The following SYCP1 variants were observed in gnomAD, a reference collection of about 807,000 sequenced individuals.
SYCP1 encodes the protein synaptonemal complex protein 1, also known as cancer/testis antigen 8.
Under a neutral mutation model 153.1 loss-of-function variants are expected in SYCP1, and 64 were observed. The ratio of observed to expected loss-of-function variants is 0.42; its 90% CI spans 0.34 to 0.51. SYCP1 has a LOEUF of 0.51. SYCP1 is among the 20% of genes least tolerant of loss of function. SYCP1 has a pLI of 0.06. For synonymous variants in SYCP1, 384 were observed against 341.8 expected (o/e 1.12, Z -1.36); for missense variants, 997 against 1,049.0 (o/e 0.95, Z 0.68).
intron 8 of SYCP1, among the ~76,000 whole-genome samples, chr1:114,867,355 C>A (rs1664825841): frequency 6.6e-6 from 1 of 152,062 alleles, no homozygotes; most frequent in African/African-American, 2.4e-5. Context: ...GGATTGACAT[C>A]TTGACAATAT....
intron 16 of SYCP1, among the ~76,000 whole-genome samples, chr1:114,906,820 TAG>T (rs1460828520): frequency 6.6e-6 from 1 of 152,190 alleles, no homozygotes; most frequent in Non-Finnish European, 1.5e-5. Context: ...TATTGTTAGG[TAG>T]AGTGTTCTGT....
intron 6 of SYCP1, 72 bp downstream of exon 6, chr1:114,858,783 A>G (rs1241076229): frequency 7.7e-7 from 1 of 1,301,450 alleles, no homozygotes; most frequent in African/African-American, 1.5e-5. Flanking sequence ...GTAGAGTATT[A>G]GTTGGGATAA....
At position 114,858,720 on chromosome 1, in the gene SYCP1, C is replaced by A. The variant is rs749262249; in HGVS notation, c.456+9C>A. ...CCATTCAGGAACTGCAAGTATGACA[C>A]AATTTTGCATTGTAAACATAGTATA... On this transcript the variant is annotated intron_variant, in intron 6 of 31. Coordinates refer to ENST00000369522, the MANE Select transcript of SYCP1 (RefSeq NM_003176.4). The A allele has an allele frequency of 6.2e-7, 1 of 1,602,654 alleles. No homozygotes were observed. Among genetic ancestry groups the A allele is most frequent in the South Asian group, 1.1e-5 (1 of 89,838 alleles).
intron 8 of SYCP1, 50 bp from the exon 9 acceptor site, chr1:114,874,456 T>G: frequency 8.9e-7 from 1 of 1,121,492 alleles, no homozygotes; most frequent in Non-Finnish European, 1.3e-6. Context: ...TATTGTCTTG[T>G]TGACATCTTA....
At chr1:114,892,699 G>T (rs1399684119) in intron 15 of SYCP1, among the ~76,000 whole-genome samples, 1 of 152,120 alleles carries the variant, frequency 6.6e-6, no homozygotes, top group African/African-American at 2.4e-5. Context: ...CCTGGCGCAC[G>T]CACGGGAAGA....
At chr1:114,888,800 A>G (rs921900481) in intron 15 of SYCP1, among the ~76,000 whole-genome samples, 1 of 151,820 alleles carries the variant, frequency 6.6e-6, no homozygotes, top group Admixed American at 6.6e-5. Flanking sequence ...GGTTTGCTGC[A>G]CCCCTCAACT....
chr1:114,972,697 A>G (rs1411543335), intron 27 of SYCP1, among the ~76,000 whole-genome samples: 1 of 151,910 alleles, frequency 6.6e-6, no homozygotes, highest in Non-Finnish European at 1.5e-5. Context: ...ATTCCATGTG[A>G]TTTTATAGTT....
Position 114,886,293 on chromosome 1 carries a change from A to C in SYCP1, c.1174A>C (p.Arg392=). The C allele has an allele frequency of 6.3e-7, 1 of 1,575,100 alleles. No homozygotes were observed. The highest frequency in any genetic ancestry group is 8.6e-7 in the Non-Finnish European group (1 of 1,165,352). Residue 392 remains arginine (R), a synonymous_variant, in exon 14 of 32, where the codon AGA becomes CGA. Transcript: ENST00000369522. ...TTVCSLEELL[R]TEQQRLEKNE... The stretch of plus-strand genomic sequence containing the variant: ...TGTCTGCAGCTTGGAAGAATTATTG[A>C]GAACAGAACAGCAAAGGTAAAATAT...
At chr1:114,901,742 TTCTC>T in intron 16 of SYCP1, among the ~76,000 whole-genome samples, 1 of 152,294 alleles carries the variant, frequency 6.6e-6, no homozygotes, top group Admixed American at 6.5e-5. Flanking sequence ...CACAAATCCT[TTCTC>T]ACAACTAAAA....
At chr1:114,857,160 G>GAAAAAAGAAAAAAAAAAAAAAAAAGAA in intron 3 of SYCP1, 72 bp from the exon 4 acceptor site, 2 of 592,980 alleles carry the variant, frequency 3.4e-6, no homozygotes, top group Non-Finnish European at 4.9e-6. Context: ...AAAAAAAAGA[G>GAAAAAAGAAAAAAAAAAAAAAAAAGAA]AAAAAAGAAA....
At chr1:114,909,147 A>G (rs1668014926) in intron 16 of SYCP1, among the ~76,000 whole-genome samples, 1 of 152,166 alleles carries the variant, frequency 6.6e-6, no homozygotes, top group Admixed American at 6.5e-5. Context: ...ATTCATACAT[A>G]GAATCAGGAG....
rs182750470 is a variant in SYCP1, at chr1:114,945,944, C to A, written c.2155-345C>A. Among the ~76,000 whole-genome samples the A allele has an allele frequency of 2.1e-3, 326 of 152,126 alleles. 1 individual carries two copies. Among genetic ancestry groups the A allele is most frequent in the Non-Finnish European group, 3.3e-3 (226 of 67,980 alleles). On this transcript the variant is annotated intron_variant, in intron 25 of 31. Transcript: ENST00000369522. Reference sequence around the variant, plus strand: ...AGTTTAAGGCTTGTATTTCCTGTCCCAGATTTGAAATCAGTCAGTTTTGTA... The same window carrying A: ...AGTTTAAGGCTTGTATTTCCTGTCCAAGATTTGAAATCAGTCAGTTTTGTA...
At chr1:114,916,155 A>G (rs983313731) in intron 20 of SYCP1, among the ~76,000 whole-genome samples, 1 of 152,120 alleles carries the variant, frequency 6.6e-6, no homozygotes, top group Non-Finnish European at 1.5e-5. Context: ...TTTCCATTTA[A>G]TATTATTTTT....
intron 8 of SYCP1, among the ~76,000 whole-genome samples, chr1:114,872,194 C>T (rs1665195509): frequency 1.3e-5 from 2 of 151,716 alleles, no homozygotes; most frequent in South Asian, 2.1e-4. Flanking sequence ...AAATCATTTT[C>T]TTTCTCTTTA....
At chr1:114,944,755 T>C (rs1670590427) in intron 24 of SYCP1, 117 bp from the exon 25 acceptor site, 2 of 790,976 alleles carry the variant, frequency 2.5e-6, no homozygotes, top group African/African-American at 3.6e-5. Context: ...CTACTTGTTT[T>C]TCCAGTTTCC....
chr1:114,913,288 A>G, intron 19 of SYCP1, 138 bp downstream of exon 19: 1 of 656,966 alleles, frequency 1.5e-6, no homozygotes. Flanking sequence ...AAAAATATGC[A>G]TATTGGTCTT....
chr1:114,880,311 G>C (rs1665833570), intron 12 of SYCP1, among the ~76,000 whole-genome samples: 1 of 152,138 alleles, frequency 6.6e-6, no homozygotes, highest in Admixed American at 6.5e-5. Context: ...TCTTCCTGCA[G>C]CTTCTGGCAA....
intron 30 of SYCP1, among the ~76,000 whole-genome samples, chr1:114,986,687 A>C (rs1464674113): frequency 6.6e-6 from 1 of 152,056 alleles, no homozygotes; most frequent in Non-Finnish European, 1.5e-5. Context: ...TAAGATTTAA[A>C]AATGGGTTGT....
chr1:114,916,384 G>C (rs1454032012), intron 20 of SYCP1, among the ~76,000 whole-genome samples: 1 of 151,818 alleles, frequency 6.6e-6, no homozygotes, highest in East Asian at 1.9e-4. Flanking sequence ...GATTTCTATG[G>C]CTTGATGGTT....
Sources: allele counts gnomAD v4.1 joint callset (sites outside exome capture counted in the v4.1 genomes callset), GRCh38; gene constraint gnomAD v4.1.1; transcripts MANE v1.5; gene names NCBI Gene and HGNC (gene_info 2026-07-23, HGNC 2026-07-21).